Variants in NKD1 observed in about 807,000 individuals in gnomAD.
NKD1 encodes the protein protein naked cuticle homolog 1.
NKD1 carries 21 observed loss-of-function variants against 56.0 expected under a neutral mutation model. That is an observed-to-expected ratio of 0.38 (90% CI 0.27 to 0.54). The LOEUF is 0.54. NKD1 is among the 20% of genes least tolerant of loss of function. The pLI is 0.82. For synonymous variants in NKD1, 263 were observed against 265.7 expected (o/e 0.99, Z 0.10); for missense variants, 578 against 642.7 (o/e 0.90, Z 1.09).
At chr16:50,568,313 A>G (rs1173620732) in intron 3 of NKD1, among the ~76,000 whole-genome samples, 1 of 152,202 alleles carries the variant, frequency 6.6e-6, no homozygotes, top group Non-Finnish European at 1.5e-5. Flanking sequence ...AGGACCGCAT[A>G]TCAGAGAGGG....
chr16:50,579,369 C>T (rs1483061797), intron 3 of NKD1, among the ~76,000 whole-genome samples: 1 of 147,900 alleles, frequency 6.8e-6, no homozygotes. Context: ...GCGGGCTACC[C>T]GCTACACACG....
chr16:50,615,541 T>C (rs1306085473), intron 4 of NKD1, among the ~76,000 whole-genome samples: 1 of 151,496 alleles, frequency 6.6e-6, no homozygotes, highest in Non-Finnish European at 1.5e-5. Flanking sequence ...CTGGAAAGAG[T>C]GTTCTTGGCA....
chr16:50,648,265 C>G lies in NKD1; in HGVS notation c.*14484C>G, dbSNP rs1380942960. 6.5e-6 allele frequency: 1 copy of G among 152,840 alleles called. No individual in the cohort carries two copies. The highest frequency in any genetic ancestry group is 1.5e-5 in the Non-Finnish European group (1 of 68,220). 9.5% of individuals were successfully genotyped at this position (152,840 alleles called of 1,614,324 possible). On this transcript the variant is annotated 3_prime_UTR_variant, in exon 10 of 10. Coordinates refer to ENST00000268459, the MANE Select transcript of NKD1 (RefSeq NM_033119.5). ...AGTCCCTCTTGGCTCTTCCTAGAGT[C>G]CCTTTCATTCCCTCATTTCCACTTC...
intron 3 of NKD1, among the ~76,000 whole-genome samples, chr16:50,589,826 C>G (rs1255319520): frequency 8.2e-6 from 1 of 121,788 alleles, no homozygotes; most frequent in African/African-American, 3.1e-5. Flanking sequence ...CCTCTCCTCT[C>G]CTCTCTTTTC....
chr16:50,603,484 C>T (rs7194959), intron 3 of NKD1, among the ~76,000 whole-genome samples: 199 of 152,364 alleles, frequency 1.3e-3, no homozygotes, highest in African/African-American at 4.6e-3. Context: ...CTGCCCCCCT[C>T]CTCTTTCCCC....
chr16:50,574,504 G>C lies in NKD1; in HGVS notation c.192+24949G>C, dbSNP rs1403009476. 3 of 985,464 alleles carry C rather than the reference G, an allele frequency of 3.0e-6. No individual in the cohort carries two copies. In the African/African-American group the frequency reaches 5.2e-5, roughly 17 times the overall value. 61.0% of individuals were successfully genotyped at this position (985,464 alleles called of 1,614,324 possible). A position where few individuals can be genotyped will look rare whatever the true frequency, so the allele number is the denominator to read the frequency against. On this transcript the variant is annotated intron_variant, in intron 3 of 9. Transcript: ENST00000268459. ...GGAAACTCTCCATTTTGCTCCTCCTGCTGCTGGTGGCCGAGGCCCAGGCAC... is the reference window on the plus strand; with the variant it reads ...GGAAACTCTCCATTTTGCTCCTCCTCCTGCTGGTGGCCGAGGCCCAGGCAC...
intron 3 of NKD1, chr16:50,558,681 C>T (rs1960554764): frequency 7.0e-6 from 1 of 143,764 alleles, no homozygotes; most frequent in Non-Finnish European, 1.5e-5. Context: ...TGAGACCAGC[C>T]TGGCCAACAT....
intron 3 of NKD1, among the ~76,000 whole-genome samples, chr16:50,596,872 A>T (rs1961483629): frequency 6.6e-6 from 1 of 152,200 alleles, no homozygotes; most frequent in Non-Finnish European, 1.5e-5. Context: ...GGTTATCCAG[A>T]GGAAGAGTCT....
chr16:50,574,473 G>T, intron 3 of NKD1: 1 of 985,386 alleles, frequency 1.0e-6, no homozygotes, highest in Non-Finnish European at 1.2e-6. Flanking sequence ...GCCTCATCTT[G>T]TTTTTGGAAA....
intron 3 of NKD1, among the ~76,000 whole-genome samples, chr16:50,601,376 C>T (rs1001242860): frequency 2.1e-5 from 3 of 141,858 alleles, no homozygotes; most frequent in African/African-American, 7.5e-5. Context: ...ACCGTCCCAT[C>T]GGTAGGAAGG....
At chr16:50,603,496 G>T (rs1961643306) in intron 3 of NKD1, among the ~76,000 whole-genome samples, 1 of 152,250 alleles carries the variant, frequency 6.6e-6, no homozygotes, top group East Asian at 1.9e-4. Context: ...TCTTTCCCCG[G>T]CACATCCCAA....
At chr16:50,567,244 A>T (rs965754416) in intron 3 of NKD1, among the ~76,000 whole-genome samples, 1 of 152,230 alleles carries the variant, frequency 6.6e-6, no homozygotes, top group Non-Finnish European at 1.5e-5. Context: ...CTGAAGTGTT[A>T]GCATGCAGTG....
At chr16:50,571,634 C>G in intron 3 of NKD1, 1 of 571,494 alleles carries the variant, frequency 1.7e-6, no homozygotes, top group Non-Finnish European at 2.2e-6. Flanking sequence ...CCCTGCAGAG[C>G]TGCCAGATGG....
In NKD1 at chr16:50,622,533, C is replaced by T. The variant is rs189987062; in HGVS notation, c.366+825C>T. On this transcript the variant is annotated intron_variant, in intron 5 of 9. Transcript: ENST00000268459. ...CCTTCCTGAGACCACCAGGGCATAG[C>T]TCTAGAGTCAGCAGGCCTGGGTTCA... 6.4e-3 allele frequency among the ~76,000 whole-genome samples: 970 copies of T among 152,294 alleles called. 8 individuals carry two copies. The highest frequency in any genetic ancestry group is 9.6e-3 in the Non-Finnish European group (653 of 68,008).
chr16:50,615,363 A>T (rs910769478), intron 4 of NKD1, among the ~76,000 whole-genome samples: 1 of 152,214 alleles, frequency 6.6e-6, no homozygotes, highest in African/African-American at 2.4e-5. Flanking sequence ...CAGGGTATAG[A>T]TATTGGGCTG....
chr16:50,618,373 T>C (rs908895906), intron 4 of NKD1, among the ~76,000 whole-genome samples: 3 of 152,104 alleles, frequency 2.0e-5, no homozygotes, highest in Non-Finnish European at 4.4e-5. Flanking sequence ...ATCATTGCAA[T>C]CCCCCTTGGT....
chr16:50,549,452 C>T lies in NKD1; in HGVS notation c.89C>T (p.Ala30Val). ...GDSFAVSAAW[A>V]RKGIEEWIGR... ...AGCTTCGCCGTGAGCGCTGCCTGGG[C>T]TCGGAAGGGCATCGAGGAGTGGATC... The change falls in exon 3 of 10, where the codon GCT becomes GTT. Residue 30 changes from alanine to valine, a missense_variant. Ala to Val is a moderately conservative substitution (Grantham distance 64). Transcript: ENST00000268459. The T allele has an allele frequency of 1.2e-6, 2 of 1,611,388 alleles. No homozygotes were observed. The highest frequency in any genetic ancestry group is 1.3e-5 in the African/African-American group (1 of 74,816).
At position 50,647,755 on chromosome 16, in the gene NKD1, A is replaced by T. The variant is rs908033846; in HGVS notation, c.*13974A>T. 1 of 152,286 alleles carries T rather than the reference A, an allele frequency of 6.6e-6. No homozygotes were observed. The highest frequency in any genetic ancestry group is 2.4e-5 in the African/African-American group (1 of 41,470). 9.4% of individuals were successfully genotyped at this position (152,286 alleles called of 1,614,324 possible). On this transcript the variant is annotated 3_prime_UTR_variant, in exon 10 of 10. Transcript: ENST00000268459. ...GGACCAGCAAACAGAAATGATTCCT[A>T]CAGGGGATACAAGCCAGGCACAGGC...
Position 50,608,409 on chromosome 16 carries a change from C to T in NKD1, c.259+49C>T, listed in dbSNP as rs189051469. ...TCCCAGCAGCAGCGAGTGGGGGAAG[C>T]GGGTGTTCAGCTGGCCGTGTGCCCT... On this transcript the variant is annotated intron_variant, in intron 4 of 9. Transcript: ENST00000268459. 1.4e-3 allele frequency: 1,743 copies of T among 1,279,292 alleles called. 2 individuals are homozygous for T. Among genetic ancestry groups the T allele is most frequent in the African/African-American group, 3.8e-3 (254 of 67,016 alleles). 79.2% of individuals were successfully genotyped at this position (1,279,292 alleles called of 1,614,324 possible).
Sources: allele counts gnomAD v4.1 joint callset (sites outside exome capture counted in the v4.1 genomes callset), GRCh38; gene constraint gnomAD v4.1.1; transcripts MANE v1.5; gene names NCBI Gene and HGNC (gene_info 2026-07-23, HGNC 2026-07-21).